TM9SF1: variants seen among roughly 807,000 people sequenced by gnomAD.
TM9SF1 encodes the protein transmembrane 9 superfamily member 1, also known as MP70 protein family member.
A neutral mutation model predicts 52.4 loss-of-function variants in TM9SF1; 25 were observed. The ratio of observed to expected loss-of-function variants is 0.48; its 90% CI spans 0.35 to 0.67. The LOEUF is 0.67. Among genes scored for constraint, TM9SF1 ranks in the 30% least tolerant of loss-of-function variants. The pLI is 0.01. For synonymous variants in TM9SF1, 284 were observed against 299.8 expected (o/e 0.95, Z 0.55); for missense variants, 604 against 780.3 (o/e 0.77, Z 2.69).
At chr14:24,190,335 G>T in intron 5 of TM9SF1, 45 bp downstream of exon 5, 1 of 1,534,060 alleles carries the variant, frequency 6.5e-7, no homozygotes, top group Non-Finnish European at 8.8e-7. Context: ...GAAAAATTGA[G>T]GTCAGGAACC....
intron 2 of TM9SF1, among the ~76,000 whole-genome samples, chr14:24,193,813 G>C (rs1271025260): frequency 6.6e-6 from 1 of 151,316 alleles, no homozygotes; most frequent in Non-Finnish European, 1.5e-5. Flanking sequence ...CCAGCTACTC[G>C]GGAGGCTGAG....
chr14:24,189,906 G>T, intron 5 of TM9SF1, 98 bp from the exon 6 acceptor site: 1 of 1,465,042 alleles, frequency 6.8e-7, no homozygotes, highest in Non-Finnish European at 9.0e-7. Context: ...CCATGTTGCT[G>T]GGTCATTGTG....
Position 24,192,681 on chromosome 14 carries a change from CAAGCACAGCACAGAGCAGACCACGGT to C in TM9SF1, c.908_933del (p.Tyr303TrpfsTer31). 6.3e-7 allele frequency: 1 copy of C among 1,583,336 alleles called. No individual in the cohort carries two copies. The highest frequency in any genetic ancestry group is 8.6e-7 in the Non-Finnish European group (1 of 1,164,604). On this transcript the variant is annotated frameshift_variant, in exon 3 of 6. Transcript: ENST00000261789. LOFTEE classifies it high-confidence loss of function. The surrounding 1 kb of genome is among the most constrained non-coding windows in gnomAD (Gnocchi z 4.0). Reference sequence around the variant, plus strand: ...AGGGCCAGGAACTGGGCACCCACGCCAAGCACAGCACAGAGCAGACCACGGTATGGGGGGAAGCGGAAGACATCTGT... The same window carrying C: ...AGGGCCAGGAACTGGGCACCCACGCCATGGGGGGAAGCGGAAGACATCTGT...
In TM9SF1 at chr14:24,192,802, A is replaced by C; in HGVS notation, c.813T>G (p.Asp271Glu). 1.9e-6 allele frequency: 3 copies of C among 1,614,084 alleles called. No homozygotes were observed. Among genetic ancestry groups the C allele is most frequent in the Non-Finnish European group, 2.5e-6 (3 of 1,179,972 alleles). ...LRNDLARYNLDEETTSAGSGD... is the reference protein window; with the variant it reads ...LRNDLARYNLEEETTSAGSGD... Reference sequence around the variant, plus strand: ...CAGAACCTGCAGAGGTGGTCTCCTCATCTAAGTTGTACCGAGCCAGGTCAT... The same window carrying C: ...CAGAACCTGCAGAGGTGGTCTCCTCCTCTAAGTTGTACCGAGCCAGGTCAT... The change falls in exon 3 of 6, where the codon GAT (aspartate) becomes GAG (glutamate). Residue 271 changes from aspartate (D) to glutamate (E), a missense_variant. This residue lies in a region of TM9SF1 where 450 missense variants were observed against 560.1 expected (regional missense o/e 0.80). Coordinates refer to ENST00000261789, the MANE Select transcript of TM9SF1 (RefSeq NM_006405.7). This position sits in a 1 kb window ranked among gnomAD's most constrained non-coding sequence, Gnocchi z 4.0.
chr14:24,193,315 C>T (rs749658468), intron 2 of TM9SF1, 46 bp from the exon 3 acceptor site: 41 of 1,536,596 alleles, frequency 2.7e-5, no homozygotes, highest in African/African-American at 9.7e-5. Flanking sequence ...TCTCCCCAGG[C>T]GCAGAGTTAC....
chr14:24,189,944 C>T (rs112031913), intron 5 of TM9SF1, 136 bp from the exon 6 acceptor site: 15 of 1,409,752 alleles, frequency 1.1e-5, no homozygotes, highest in African/African-American at 8.6e-5. Flanking sequence ...ACTCTCTGCC[C>T]CAGATCTCCT....
At chr14:24,194,590 A>G in intron 2 of TM9SF1, 85 bp downstream of exon 2, 3 of 1,301,880 alleles carry the variant, frequency 2.3e-6, no homozygotes, top group Non-Finnish European at 3.2e-6. Flanking sequence ...GACAATTTCC[A>G]TAAAGGTACC....
chr14:24,193,186 G>A lies in TM9SF1; in HGVS notation c.429C>T (p.Gly143=). 4 of 1,614,082 alleles carry A rather than the reference G, an allele frequency of 2.5e-6. No individual in the cohort carries two copies. The highest frequency in any genetic ancestry group is 3.4e-6 in the Non-Finnish European group (4 of 1,180,020). ...VDDLPIRGFV[G]YMEESGFLPH... ...GCAGGAAACCACTCTCCTCCATGTA[G>A]CCCACAAAGCCCCGGATTGGCAAGT... is the stretch of plus-strand genomic sequence containing the variant. Residue 143 remains glycine, a synonymous_variant, in exon 3 of 6, where the codon GGC becomes GGT. Coordinates refer to ENST00000261789, the MANE Select transcript of TM9SF1 (RefSeq NM_006405.7).
chr14:24,190,335 G>A, intron 5 of TM9SF1, 45 bp downstream of exon 5: 1 of 1,534,060 alleles, frequency 6.5e-7, no homozygotes, highest in Non-Finnish European at 8.8e-7. Context: ...GAAAAATTGA[G>A]GTCAGGAACC....
Position 24,195,352 on chromosome 14 carries a change from G to A in TM9SF1, c.-24C>T, listed in dbSNP as rs2138838346. ...ACAGCCCCGGGGTCCTCACCGCGCGGGAAGGGCTGGCCGAGGCGGCGCCAG... is the reference window on the plus strand; with the variant it reads ...ACAGCCCCGGGGTCCTCACCGCGCGAGAAGGGCTGGCCGAGGCGGCGCCAG... On this transcript the variant is annotated 5_prime_UTR_variant, in exon 1 of 6. Transcript: ENST00000261789. The A allele has an allele frequency of 3.7e-6, 1 of 269,184 alleles. No individual in the cohort carries two copies. Among genetic ancestry groups the A allele is most frequent in the East Asian group, 7.2e-5 (1 of 13,884 alleles). 16.7% of individuals were successfully genotyped at this position (269,184 alleles called of 1,614,324 possible).
chr14:24,190,200 A>G, intron 5 of TM9SF1, 180 bp downstream of exon 5: 1 of 1,393,694 alleles, frequency 7.2e-7, no homozygotes, highest in Non-Finnish European at 9.3e-7. Context: ...TATAAGTGAG[A>G]CACTCTCATA....
At chr14:24,189,868 T>G in intron 5 of TM9SF1, 60 bp from the exon 6 acceptor site, 1 of 1,515,234 alleles carries the variant, frequency 6.6e-7, no homozygotes, top group Non-Finnish European at 8.9e-7. Context: ...GCACAGTGGC[T>G]GGGCTGAAAT....
chr14:24,194,000 G>A (rs1300384822), intron 2 of TM9SF1, among the ~76,000 whole-genome samples: 1 of 151,990 alleles, frequency 6.6e-6, no homozygotes, highest in African/African-American at 2.4e-5. Flanking sequence ...GTCATAGTGG[G>A]GTTATCCCGT....
chr14:24,192,064 G>C lies in TM9SF1; in HGVS notation c.1153+107C>G, dbSNP rs1212333634. On this transcript the variant is annotated intron_variant, in intron 4 of 5. Coordinates refer to ENST00000261789, the MANE Select transcript of TM9SF1 (RefSeq NM_006405.7). The surrounding 1 kb of genome is among the most constrained non-coding windows in gnomAD (Gnocchi z 4.0). Reference sequence around the variant, plus strand: ...TGGGCTCAAGTGATCCTCCGGCCTCGGTCTCCCAAAGTGCTAGGATTACAG... The same window carrying C: ...TGGGCTCAAGTGATCCTCCGGCCTCCGTCTCCCAAAGTGCTAGGATTACAG... 3.5e-6 allele frequency: 4 copies of C among 1,153,414 alleles called. No individual in the cohort carries two copies. The highest frequency in any genetic ancestry group is 1.5e-5 in the African/African-American group (1 of 65,534). The allele number at this position is 1,153,414 out of a possible 1,614,324, so 71.4% of individuals were successfully genotyped here.
intron 4 of TM9SF1, among the ~76,000 whole-genome samples, chr14:24,191,345 C>T (rs1168984318): frequency 2.0e-5 from 3 of 152,196 alleles, no homozygotes; most frequent in Non-Finnish European, 4.4e-5. Flanking sequence ...TTCAGAAAGC[C>T]TTGGTTCAAA....
rs2039299697 is a variant in TM9SF1 at position 24,190,374 on chromosome 14, G to A, written c.1427+6C>T. 1 of 1,564,846 alleles carries A rather than the reference G, an allele frequency of 6.4e-7. No homozygotes were observed. Among genetic ancestry groups the A allele is most frequent in the Middle Eastern group, 1.7e-4 (1 of 5,794 alleles). On this transcript the variant is annotated splice_donor_region_variant and intron_variant, in intron 5 of 5. Transcript: ENST00000261789. The stretch of plus-strand genomic sequence containing the variant: ...CAGTAATAGCCATGGAATAAAGGGA[G>A]GATACCTGAAAGGCAGGAAGCCTCC...
chr14:24,193,178 T>C lies in TM9SF1; in HGVS notation c.437A>G (p.Glu146Gly), dbSNP rs773485090. 6.2e-7 allele frequency: 1 copy of C among 1,614,124 alleles called. No individual in the cohort carries two copies. Among genetic ancestry groups the C allele is most frequent in the Non-Finnish European group, 8.5e-7 (1 of 1,180,030 alleles). ...LPIRGFVGYM[E>G]ESGFLPHSHK... is the part of the protein sequence containing the mutation. ...GCTGTGTGGCAGGAAACCACTCTCC[T>C]CCATGTAGCCCACAAAGCCCCGGAT... Residue 146 changes from glutamate (E) to glycine (G), a missense_variant, in exon 3 of 6, where the codon GAG (glutamate) becomes GGG (glycine). Physicochemically the swap from Glu to Gly is moderately conservative, Grantham distance 98 (BLOSUM62 -2). This residue lies in a region of TM9SF1 where 450 missense variants were observed against 560.1 expected (regional missense o/e 0.80). Coordinates refer to ENST00000261789, the MANE Select transcript of TM9SF1 (RefSeq NM_006405.7).
At position 24,190,384 on chromosome 14, in the gene TM9SF1, AAGGC is replaced by A; in HGVS notation, c.1419_1422del (p.Pro474SerfsTer35). The A allele has an allele frequency of 6.4e-7, 1 of 1,572,352 alleles. No homozygotes were observed. The highest frequency in any genetic ancestry group is 8.6e-7 in the Non-Finnish European group (1 of 1,157,408). Reference sequence around the variant, plus strand: ...CATGGAATAAAGGGAGGATACCTGAAAGGCAGGAAGCCTCCAACAGTCATGTGGA... The same window carrying A: ...CATGGAATAAAGGGAGGATACCTGAAAGGAAGCCTCCAACAGTCATGTGGA... On this transcript the variant is annotated frameshift_variant, in exon 5 of 6. Coordinates refer to ENST00000261789, the MANE Select transcript of TM9SF1 (RefSeq NM_006405.7). LOFTEE classifies it high-confidence loss of function.
intron 4 of TM9SF1, chr14:24,191,827 TG>T (rs2039326801): frequency 1.5e-5 from 3 of 196,258 alleles, no homozygotes; most frequent in South Asian, 1.2e-4. Context: ...TTTTTTTTTT[TG>T]AGACAGTCTC....
Sources: allele counts gnomAD v4.1 joint callset (sites outside exome capture counted in the v4.1 genomes callset), GRCh38; gene constraint gnomAD v4.1.1; regional missense constraint gnomAD v4.1.1; non-coding constraint Gnocchi (gnomAD v3.1); transcripts MANE v1.5; gene names NCBI Gene and HGNC (gene_info 2026-07-23, HGNC 2026-07-21).